Variants in LARGE1 observed in about 807,000 individuals in gnomAD.
LARGE1 encodes xylosyl- and glucuronyltransferase LARGE1.
A neutral mutation model predicts 87.6 loss-of-function variants in LARGE1; 43 were observed. The observed-to-expected ratio is 0.49, with a 90% CI of 0.38 to 0.63. The LOEUF is 0.63. Among genes scored for constraint, LARGE1 ranks in the 30% least tolerant of loss-of-function variants. The pLI is 0.00. For missense variants in LARGE1, 802 were observed against 1,000.2 expected, an observed-to-expected ratio of 0.80 and a Z score of 2.67; for synonymous variants, 434 against 394.6, an observed-to-expected ratio of 1.10 and a Z score of -1.18.
intron 1 of LARGE1, among the ~76,000 whole-genome samples, chr22:33,877,393 T>A (rs376476093): frequency 1.3e-5 from 2 of 152,138 alleles, no homozygotes; most frequent in East Asian, 1.9e-4. Context: ...AAATTTTTTT[T>A]CCCAAGATTT....
chr22:33,380,485 T>G (rs1378364548), intron 9 of LARGE1, among the ~76,000 whole-genome samples: 1 of 152,180 alleles, frequency 6.6e-6, no homozygotes, highest in Non-Finnish European at 1.5e-5. Context: ...AGCTGTTAAT[T>G]AAGATATAAT....
intron 3 of LARGE1, 150 bp downstream of exon 3, chr22:33,650,217 A>C (rs2080750354): frequency 8.2e-6 from 8 of 974,168 alleles, no homozygotes; most frequent in Non-Finnish European, 1.1e-5. Context: ...CATTGAGCAA[A>C]GTTAGCGAGC....
chr22:33,272,873 G>C lies in LARGE1; in HGVS notation c.*1554C>G, dbSNP rs991068573. On this transcript the variant is annotated 3_prime_UTR_variant, in exon 15 of 15. Coordinates refer to ENST00000397394, the MANE Select transcript of LARGE1 (RefSeq NM_133642.5). ...TGGCTCCAGTGTTGAGAAAGATGCGGAATGGAAAACTTGAAGATGGTTTGA... is the reference window on the plus strand; with the variant it reads ...TGGCTCCAGTGTTGAGAAAGATGCGCAATGGAAAACTTGAAGATGGTTTGA... The C allele has an allele frequency of 6.6e-6, 1 of 152,342 alleles. No homozygotes were observed. Among genetic ancestry groups the C allele is most frequent in the African/African-American group, 2.4e-5 (1 of 41,444 alleles). The allele number at this position is 152,342 out of a possible 1,614,324, so 9.4% of individuals were successfully genotyped here. A position where few individuals can be genotyped will look rare whatever the true frequency, so the allele number is the denominator to read the frequency against.
At chr22:33,530,805 C>A (rs1299238859) in intron 6 of LARGE1, among the ~76,000 whole-genome samples, 1 of 152,180 alleles carries the variant, frequency 6.6e-6, no homozygotes, top group Non-Finnish European at 1.5e-5. Flanking sequence ...TGAGAAATAG[C>A]AGCCTACATG....
intron 7 of LARGE1, among the ~76,000 whole-genome samples, chr22:33,414,054 C>G (rs926833760): frequency 6.6e-6 from 1 of 152,034 alleles, no homozygotes; most frequent in Non-Finnish European, 1.5e-5. Flanking sequence ...TGGATATATA[C>G]CCAGGAGTGG....
intron 11 of LARGE1, among the ~76,000 whole-genome samples, chr22:33,264,510 A>C (rs886256426): frequency 3.9e-5 from 6 of 152,132 alleles, no homozygotes; most frequent in African/African-American, 1.4e-4. Context: ...AAATACAAAA[A>C]TTAGCCCACT....
intron 1 of LARGE1, among the ~76,000 whole-genome samples, chr22:33,877,981 G>C (rs961655529): frequency 6.6e-6 from 1 of 151,206 alleles, no homozygotes; most frequent in Non-Finnish European, 1.5e-5. Flanking sequence ...ATGAAATAAA[G>C]AATGTAACAT....
chr22:33,606,134 G>A (rs867849222), intron 4 of LARGE1, among the ~76,000 whole-genome samples: 4 of 152,142 alleles, frequency 2.6e-5, no homozygotes, highest in African/African-American at 9.7e-5. Flanking sequence ...GACAGGGCAC[G>A]GCGGCTCACG....
At chr22:33,508,987 CA>C (rs2070907212) in intron 6 of LARGE1, among the ~76,000 whole-genome samples, 1 of 152,146 alleles carries the variant, frequency 6.6e-6, no homozygotes, top group Non-Finnish European at 1.5e-5. Flanking sequence ...TAATTGGCTT[CA>C]ATTTACCGCT....
At chr22:33,522,468 G>A (rs945370271) in intron 6 of LARGE1, among the ~76,000 whole-genome samples, 1 of 152,160 alleles carries the variant, frequency 6.6e-6, no homozygotes, top group African/African-American at 2.4e-5. Context: ...GGAGGTGGAG[G>A]CGGGTGGATT....
chr22:33,389,832 G>A (rs1179307930), intron 7 of LARGE1, among the ~76,000 whole-genome samples: 4 of 151,884 alleles, frequency 2.6e-5, no homozygotes, highest in Non-Finnish European at 4.4e-5. Flanking sequence ...GTGACAGAAT[G>A]AGACTCAGTC....
At chr22:33,361,106 G>A (rs148052084) in intron 9 of LARGE1, among the ~76,000 whole-genome samples, 2 of 149,108 alleles carry the variant, frequency 1.3e-5, no homozygotes, top group Non-Finnish European at 3.0e-5. Flanking sequence ...CCAGCTACTC[G>A]GGAGGCTGAG....
At chr22:33,899,607 A>G (rs1232095571) in intron 1 of LARGE1, among the ~76,000 whole-genome samples, 3 of 152,134 alleles carry the variant, frequency 2.0e-5, no homozygotes, top group Admixed American at 2.0e-4. Context: ...AGGGACTGGG[A>G]CTTTGTCTTG....
chr22:33,377,274 C>T (rs934719848), intron 9 of LARGE1, among the ~76,000 whole-genome samples: 1 of 152,226 alleles, frequency 6.6e-6, no homozygotes, highest in African/African-American at 2.4e-5. Context: ...TAACTTTACA[C>T]ACACAAAATA....
chr22:33,846,695 T>A (rs2063441375), intron 1 of LARGE1, among the ~76,000 whole-genome samples: 3 of 152,068 alleles, frequency 2.0e-5, no homozygotes, highest in Admixed American at 2.0e-4. Context: ...GGGGTATAGG[T>A]CTATAAACGG....
chr22:33,720,448 G>A (rs562240749), intron 2 of LARGE1, among the ~76,000 whole-genome samples: 7 of 152,246 alleles, frequency 4.6e-5, no homozygotes, highest in African/African-American at 1.4e-4. Flanking sequence ...CAGGGGCTGA[G>A]GACCCCTGGG....
chr22:33,813,154 G>C (rs1261344724), intron 1 of LARGE1, among the ~76,000 whole-genome samples: 3 of 151,614 alleles, frequency 2.0e-5, no homozygotes, highest in Non-Finnish European at 4.4e-5. Flanking sequence ...TCAGGAGCTC[G>C]AGACTAGCCT....
chr22:33,473,103 A>G (rs1419173768), intron 6 of LARGE1, among the ~76,000 whole-genome samples: 1 of 152,164 alleles, frequency 6.6e-6, no homozygotes, highest in East Asian at 1.9e-4. Context: ...CACTCTACTG[A>G]GTATTAACAT....
chr22:33,395,283 G>A (rs1435779533), intron 7 of LARGE1, among the ~76,000 whole-genome samples: 1 of 148,658 alleles, frequency 6.7e-6, no homozygotes, highest in African/African-American at 2.5e-5. Context: ...GGACAGTCCT[G>A]TATGAAAAGG....
Sources: gnomAD v4.1 joint callset for allele counts (sites outside exome capture counted in the v4.1 genomes callset) on GRCh38, gnomAD v4.1.1 for gene constraint, MANE v1.5 for transcripts, NCBI Gene and HGNC (gene_info 2026-07-23, HGNC 2026-07-21) for gene names.